The following COMMD1 variants were observed in gnomAD, a reference collection of about 807,000 sequenced individuals.
COMMD1 encodes the protein copper metabolism domain containing 1, also known as COMM domain-containing protein 1.
A neutral mutation model predicts 17.2 loss-of-function variants in COMMD1; 10 were observed. The ratio of observed to expected loss-of-function variants is 0.58; its 90% CI spans 0.36 to 0.99. COMMD1 has a LOEUF of 0.99. Ranked by LOEUF, COMMD1 falls within the 50% of genes least tolerant of loss-of-function variation. COMMD1 has a pLI of 0.01. For synonymous variants in COMMD1, 97 were observed against 91.6 expected (o/e 1.06, Z -0.34); for missense variants, 270 against 231.8 (o/e 1.17, Z -1.07).
At chr2:62,092,062 G>C (rs1432858191) in intron 2 of COMMD1, among the ~76,000 whole-genome samples, 2 of 152,172 alleles carry the variant, frequency 1.3e-5, no homozygotes, top group African/African-American at 4.8e-5. Flanking sequence ...GCTGAGGTTT[G>C]CAGGGGACCA....
intron 1 of COMMD1, among the ~76,000 whole-genome samples, chr2:61,986,326 A>G (rs1196549338): frequency 6.6e-6 from 1 of 151,868 alleles, no homozygotes; most frequent in Non-Finnish European, 1.5e-5. Context: ...CTTGACTTTC[A>G]GGAGTGTAAT....
chr2:61,888,591 C>T (rs1168309781), upstream of COMMD1: 4 of 1,474,086 alleles, frequency 2.7e-6, no homozygotes, highest in African/African-American at 1.4e-5. Context: ...AACGGTAAGC[C>T]CTCACTGCCT....
intron 1 of COMMD1, among the ~76,000 whole-genome samples, chr2:61,992,896 A>C (rs1014566511): frequency 6.6e-6 from 1 of 152,108 alleles, no homozygotes; most frequent in Admixed American, 6.6e-5. Context: ...TTTTTCTTCC[A>C]TTCAAGTAAA....
chr2:61,943,295 G>T (rs1240341385), intron 1 of COMMD1, among the ~76,000 whole-genome samples: 1 of 152,164 alleles, frequency 6.6e-6, no homozygotes, highest in Non-Finnish European at 1.5e-5. Context: ...AAGTAGAGGG[G>T]TCATGAAACC....
chr2:62,035,776 C>T (rs1408431849), intron 2 of COMMD1, among the ~76,000 whole-genome samples: 1 of 147,946 alleles, frequency 6.8e-6, no homozygotes, highest in Non-Finnish European at 1.5e-5. Flanking sequence ...GCAGGGCTGG[C>T]ATGGTGGCTC....
At chr2:62,020,737 C>T (rs1220458604) in intron 2 of COMMD1, among the ~76,000 whole-genome samples, 5 of 152,112 alleles carry the variant, frequency 3.3e-5, no homozygotes, top group African/African-American at 7.2e-5. Context: ...TGGTGGCTCA[C>T]GCTTGTAATC....
intron 2 of COMMD1, among the ~76,000 whole-genome samples, chr2:62,074,928 T>C (rs1370224092): frequency 1.3e-5 from 2 of 149,868 alleles, no homozygotes; most frequent in African/African-American, 4.9e-5. Context: ...TCGCTCTTGT[T>C]GTCCAGGCTG....
chr2:61,931,811 G>A (rs1360036731), intron 1 of COMMD1, among the ~76,000 whole-genome samples: 1 of 152,204 alleles, frequency 6.6e-6, no homozygotes, highest in Non-Finnish European at 1.5e-5. Flanking sequence ...TGGAGACTTG[G>A]TTGACAATTG....
intron 1 of COMMD1, among the ~76,000 whole-genome samples, chr2:61,962,282 A>G (rs558082325): frequency 1.3e-5 from 2 of 152,204 alleles, no homozygotes; most frequent in Non-Finnish European, 2.9e-5. Context: ...TGTATAATAA[A>G]GAATGTGGTT....
At chr2:62,131,285 G>A (rs537267814) in intron 2 of COMMD1, among the ~76,000 whole-genome samples, 131 of 152,266 alleles carry the variant, frequency 8.6e-4, no homozygotes, top group Non-Finnish European at 3.5e-4. Context: ...TTATCTGCTA[G>A]CCACATTCTG....
chr2:62,116,168 T>G (rs560447791), intron 2 of COMMD1, among the ~76,000 whole-genome samples: 10 of 152,086 alleles, frequency 6.6e-5, no homozygotes, highest in Middle Eastern at 3.2e-3. Flanking sequence ...TTTATGTGCT[T>G]GAAATTATAT....
At chr2:62,047,342 T>A (rs1670409372) in intron 2 of COMMD1, among the ~76,000 whole-genome samples, 1 of 152,192 alleles carries the variant, frequency 6.6e-6, no homozygotes, top group Non-Finnish European at 1.5e-5. Flanking sequence ...ATTTATAAAT[T>A]CTACAGTAGT....
At chr2:62,129,797 T>A (rs1672975333) in intron 2 of COMMD1, among the ~76,000 whole-genome samples, 1 of 152,046 alleles carries the variant, frequency 6.6e-6, no homozygotes, top group South Asian at 2.1e-4. Context: ...AGTTGCAGAG[T>A]TGTGGGTCAA....
intron 1 of COMMD1, among the ~76,000 whole-genome samples, chr2:61,983,840 T>C (rs1367672844): frequency 2.0e-5 from 3 of 152,230 alleles, no homozygotes; most frequent in African/African-American, 4.8e-5. Flanking sequence ...TTATTTTTGC[T>C]CTGATCTTTA....
At chr2:62,041,051 T>C (rs1670178835) in intron 2 of COMMD1, among the ~76,000 whole-genome samples, 1 of 152,208 alleles carries the variant, frequency 6.6e-6, no homozygotes, top group African/African-American at 2.4e-5. Flanking sequence ...TTCACACTGC[T>C]GTACTCTACC....
chr2:62,033,050 G>A (rs1175346673), intron 2 of COMMD1, among the ~76,000 whole-genome samples: 5 of 152,282 alleles, frequency 3.3e-5, no homozygotes, highest in African/African-American at 4.8e-5. Flanking sequence ...GATTACAGGC[G>A]TGAGCCATGT....
At chr2:62,021,557 G>A (rs1424016342) in intron 2 of COMMD1, among the ~76,000 whole-genome samples, 1 of 152,172 alleles carries the variant, frequency 6.6e-6, no homozygotes, top group African/African-American at 2.4e-5. Flanking sequence ...TATTGACAGT[G>A]GCCTGGCCTC....
chr2:62,045,865 T>A (rs536661566), intron 2 of COMMD1, among the ~76,000 whole-genome samples: 1 of 149,526 alleles, frequency 6.7e-6, no homozygotes, highest in Admixed American at 6.8e-5. Context: ...GCCTCCCGAG[T>A]AGCTGGGATT....
At chr2:61,907,177 C>T (rs151310815) in intron 1 of COMMD1, among the ~76,000 whole-genome samples, 10 of 152,300 alleles carry the variant, frequency 6.6e-5, no homozygotes, top group African/African-American at 1.9e-4. Context: ...CCGATCTCGG[C>T]TCACTGCAAT....
Sources: gnomAD v4.1 joint callset for allele counts (sites outside exome capture counted in the v4.1 genomes callset) on GRCh38, gnomAD v4.1.1 for gene constraint, MANE v1.5 for transcripts, NCBI Gene and HGNC (gene_info 2026-07-23, HGNC 2026-07-21) for gene names.